Variants in RASSF5 observed in about 807,000 individuals in gnomAD.
RASSF5 encodes ras association domain-containing protein 5.
RASSF5 carries 25 observed loss-of-function variants against 40.5 expected under a neutral mutation model. The ratio of observed to expected loss-of-function variants is 0.62; its 90% CI spans 0.45 to 0.86. The LOEUF (loss-of-function observed/expected upper bound fraction) is 0.86, where lower values mean the gene tolerates loss of function less well. Ranked by LOEUF, RASSF5 falls within the 40% of genes least tolerant of loss-of-function variation. The pLI is 0.00. For missense variants in RASSF5, 521 were observed against 572.8 expected, an observed-to-expected ratio of 0.91 and a Z score of 0.92; for synonymous variants, 246 against 252.4, an observed-to-expected ratio of 0.97 and a Z score of 0.24.
intron 3 of RASSF5, 63 bp downstream of exon 3, chr1:206,583,442 C>G: frequency 2.7e-6 from 3 of 1,106,610 alleles, no homozygotes; most frequent in South Asian, 2.5e-5. Flanking sequence ...TTTGGCGCCT[C>G]TGCCCTCACT....
intron 1 of RASSF5, among the ~76,000 whole-genome samples, chr1:206,508,561 G>T (rs1311421268): frequency 2.6e-5 from 4 of 152,134 alleles, no homozygotes; most frequent in Non-Finnish European, 5.9e-5. Flanking sequence ...CTCCTCCAGG[G>T]GGACGTATTG....
intron 2 of RASSF5, among the ~76,000 whole-genome samples, chr1:206,555,594 T>A (rs1667958912): frequency 6.6e-6 from 1 of 152,148 alleles, no homozygotes; most frequent in Non-Finnish European, 1.5e-5. Flanking sequence ...TAATGTGAGA[T>A]CTTCCCCTGC....
intron 2 of RASSF5, among the ~76,000 whole-genome samples, chr1:206,559,233 T>C (rs1304513893): frequency 6.6e-6 from 1 of 152,222 alleles, no homozygotes; most frequent in Admixed American, 6.5e-5. Flanking sequence ...AAATGGTTCC[T>C]GTTTTTAAAC....
intron 1 of RASSF5, among the ~76,000 whole-genome samples, chr1:206,519,557 C>T (rs1214639262): frequency 1.3e-5 from 2 of 152,170 alleles, no homozygotes; most frequent in Non-Finnish European, 2.9e-5. Flanking sequence ...CTGGAACCTG[C>T]TTCTCTTTAA....
chr1:206,526,150 C>T (rs1667091011), intron 1 of RASSF5, among the ~76,000 whole-genome samples: 3 of 152,220 alleles, frequency 2.0e-5, no homozygotes, highest in Admixed American at 2.0e-4. Context: ...CCCTGTGTGT[C>T]AGCTGCCCAT....
chr1:206,524,370 A>T (rs990582965), intron 1 of RASSF5, among the ~76,000 whole-genome samples: 8 of 140,138 alleles, frequency 5.7e-5, no homozygotes, highest in Non-Finnish European at 1.2e-4. Context: ...TAGATACCAT[A>T]TGTAATACAT....
At chr1:206,528,950 G>A in intron 1 of RASSF5, 1 of 641,912 alleles carries the variant, frequency 1.6e-6, no homozygotes, top group Non-Finnish European at 2.8e-6. Flanking sequence ...GGAAGAAGGT[G>A]GCTCCTGTCG....
Position 206,579,047 on chromosome 1 carries a change from G to A in RASSF5, c.580-4222G>A, listed in dbSNP as rs1482268960. Among the ~76,000 whole-genome samples the A allele has an allele frequency of 6.6e-6, 1 of 152,104 alleles. No homozygotes were observed. The highest frequency in any genetic ancestry group is 1.5e-5 in the Non-Finnish European group (1 of 68,018). On this transcript the variant is annotated intron_variant, in intron 2 of 5. Coordinates refer to ENST00000579436, the MANE Select transcript of RASSF5 (RefSeq NM_182663.4). The surrounding 1 kb of genome is among the most constrained non-coding windows in gnomAD (Gnocchi z 4.2). Reference sequence around the variant, plus strand: ...TCACTCAGGGTCGGGGTGTCGCTGTGAACCCCTAGCACCCAGCCTCTTTAC... The same window carrying A: ...TCACTCAGGGTCGGGGTGTCGCTGTAAACCCCTAGCACCCAGCCTCTTTAC...
chr1:206,573,158 C>T (rs1462383484), intron 2 of RASSF5, among the ~76,000 whole-genome samples: 1 of 152,212 alleles, frequency 6.6e-6, no homozygotes, highest in Non-Finnish European at 1.5e-5. Flanking sequence ...AATGTATAAA[C>T]TGCATTTCAC....
rs1667355654 is a variant in RASSF5 at position 206,535,461 on chromosome 1, G to GAAA, written c.458-2711_458-2710insAAA. ...CTTTTGGGTTTGGAGAAAGGCATGG[G>GAAA]GGCTCTGACTTCATCTCTGCTGGCC... On this transcript the variant is annotated intron_variant, in intron 1 of 5. Transcript: ENST00000579436. This position sits in a 1 kb window ranked among gnomAD's most constrained non-coding sequence, Gnocchi z 5.0. Among the ~76,000 whole-genome samples, 1 of 152,154 alleles carries GAAA rather than the reference G, an allele frequency of 6.6e-6. No homozygotes were observed. Among genetic ancestry groups the GAAA allele is most frequent in the South Asian group, 2.1e-4 (1 of 4,822 alleles).
At chr1:206,568,895 C>CCAAT (rs1381212543) in intron 2 of RASSF5, among the ~76,000 whole-genome samples, 5 of 152,210 alleles carry the variant, frequency 3.3e-5, no homozygotes, top group Non-Finnish European at 5.9e-5. Context: ...CAACGGTGAG[C>CCAAT]CAATACGTAG....
intron 2 of RASSF5, among the ~76,000 whole-genome samples, chr1:206,548,047 G>T (rs1032838894): frequency 2.0e-5 from 3 of 152,070 alleles, no homozygotes; most frequent in Non-Finnish European, 2.9e-5. Flanking sequence ...TTCTAGGTTG[G>T]CACTTTTTTT....
At chr1:206,538,819 T>C (rs184895849) in intron 2 of RASSF5, among the ~76,000 whole-genome samples, 1 of 152,358 alleles carries the variant, frequency 6.6e-6, no homozygotes, top group African/African-American at 2.4e-5. Flanking sequence ...TTCTAGGATT[T>C]AGAATGGAGA....
At chr1:206,538,115 G>GA in intron 1 of RASSF5, 57 bp from the exon 2 acceptor site, 1 of 1,610,376 alleles carries the variant, frequency 6.2e-7, no homozygotes, top group Non-Finnish European at 8.5e-7. Context: ...TTCTCTGGGT[G>GA]AAAGTGGGGA....
chr1:206,586,886 C>T lies in RASSF5; in HGVS notation c.1165C>T (p.Gln389Ter). 3 of 1,614,130 alleles carry T rather than the reference C, an allele frequency of 1.9e-6. No individual in the cohort carries two copies. The highest frequency in any genetic ancestry group is 1.3e-5 in the African/African-American group (1 of 75,032). ...NFLTILEKEE[Q>*]DKIQQVQKKY... ...CCTAACAATCCTGGAAAAAGAGGAG[C>T]AGGACAAAATCCAACAAGTGCAAAA... is the stretch of plus-strand genomic sequence containing the variant. The change falls in exon 6 of 6, where the codon CAG (glutamine) becomes TAG (stop). Residue 389 changes from glutamine (Q) to a stop codon, truncating the protein, a stop_gained. Coordinates refer to ENST00000579436, the MANE Select transcript of RASSF5 (RefSeq NM_182663.4). LOFTEE classifies it high-confidence loss of function.
chr1:206,532,644 A>G (rs933190758), intron 1 of RASSF5, among the ~76,000 whole-genome samples: 4 of 152,346 alleles, frequency 2.6e-5, no homozygotes, highest in East Asian at 1.9e-4. Flanking sequence ...TCCCTCAGGC[A>G]TCGGAAGTTG....
rs148418173 is a variant in RASSF5, at chr1:206,555,055, T to C, written c.579+16762T>C. Among the ~76,000 whole-genome samples, 17 of 152,340 alleles carry C rather than the reference T, an allele frequency of 1.1e-4. No homozygotes were observed. In the East Asian group the frequency reaches 3.3e-3, roughly 29 times the overall value. On this transcript the variant is annotated intron_variant, in intron 2 of 5. Coordinates refer to ENST00000579436, the MANE Select transcript of RASSF5 (RefSeq NM_182663.4). ...ATAAAATGGGCATAGTACCTGCTCT[T>C]AGGATAAAAGAGTAGCCTGGGGGAA...
chr1:206,584,294 A>G lies in RASSF5; in HGVS notation c.691-93A>G, dbSNP rs1226166000. ...GAGGCAGGAAAGAACTCAAGGAGAC[A>G]GGTGGGTGCTGCTGGGGCAATGGCC... On this transcript the variant is annotated intron_variant, in intron 3 of 5. Coordinates refer to ENST00000579436, the MANE Select transcript of RASSF5 (RefSeq NM_182663.4). The surrounding 1 kb of genome is among the most constrained non-coding windows in gnomAD (Gnocchi z 4.9). 9 of 1,236,768 alleles carry G rather than the reference A, an allele frequency of 7.3e-6. No homozygotes were observed. In the East Asian group the frequency reaches 2.2e-4, roughly 30 times the overall value. The allele number at this position is 1,236,768 out of a possible 1,614,324, so 76.6% of individuals were successfully genotyped here.
chr1:206,515,626 C>T lies in RASSF5; in HGVS notation c.457+7567C>T, dbSNP rs143855262. On this transcript the variant is annotated intron_variant, in intron 1 of 5. Coordinates refer to ENST00000579436, the MANE Select transcript of RASSF5 (RefSeq NM_182663.4). ...AATAATCTGAAGCTGCCTAATGGAC[C>T]TCTGGCTCTAATCTCAGGCAGTGAT... Among the ~76,000 whole-genome samples, 494 of 152,264 alleles carry T rather than the reference C, an allele frequency of 3.2e-3. 21 individuals are homozygous for T. The highest frequency in any genetic ancestry group is 0.03 in the Admixed American group (453 of 15,280).
Sources: allele counts gnomAD v4.1 joint callset (sites outside exome capture counted in the v4.1 genomes callset), GRCh38; gene constraint gnomAD v4.1.1; non-coding constraint Gnocchi (gnomAD v3.1); transcripts MANE v1.5; gene names NCBI Gene and HGNC (gene_info 2026-07-23, HGNC 2026-07-21).